The following C1orf21 variants were observed in gnomAD, a reference collection of about 807,000 sequenced individuals.
C1orf21 encodes chromosome 1 open reading frame 21, also known as uncharacterized protein C1orf21.
Under a neutral mutation model 18.7 loss-of-function variants are expected in C1orf21, and 3 were observed. The observed-to-expected ratio is 0.16, with a 90% confidence interval of 0.07 to 0.42. C1orf21 has a LOEUF of 0.42. C1orf21 is among the 10% of genes least tolerant of loss of function. The probability of loss-of-function intolerance (pLI) is 0.99; values close to 1 mark genes in which losing one functional copy is unlikely to be tolerated. For synonymous variants in C1orf21, 41 were observed against 46.4 expected (o/e 0.88, Z 0.47); for missense variants, 104 against 143.6 (o/e 0.72, Z 1.41).
At chr1:184,617,226 T>C (rs958148592) in intron 5 of C1orf21, among the ~76,000 whole-genome samples, 1 of 152,128 alleles carries the variant, frequency 6.6e-6, no homozygotes, top group Non-Finnish European at 1.5e-5. Context: ...AGCCCAGCAA[T>C]TTGTGCGCTG....
intron 3 of C1orf21, among the ~76,000 whole-genome samples, chr1:184,511,821 A>G (rs756110191): frequency 1.1e-4 from 16 of 152,154 alleles, no homozygotes; most frequent in Non-Finnish European, 2.4e-4. Context: ...AGAGAAGTGC[A>G]TAGTGAAGGG....
At chr1:184,423,381 G>A (rs919674657) in intron 1 of C1orf21, among the ~76,000 whole-genome samples, 5 of 152,104 alleles carry the variant, frequency 3.3e-5, no homozygotes, top group African/African-American at 9.7e-5. Flanking sequence ...TATCCAAGAT[G>A]GGTTTTGAAA....
intron 2 of C1orf21, among the ~76,000 whole-genome samples, chr1:184,483,399 A>G (rs1344045629): frequency 6.6e-6 from 1 of 152,244 alleles, no homozygotes; most frequent in South Asian, 2.1e-4. Context: ...AGGCCTTATT[A>G]GGGAAATTAA....
chr1:184,609,141 C>G (rs1231720207), intron 5 of C1orf21, among the ~76,000 whole-genome samples: 1 of 152,180 alleles, frequency 6.6e-6, no homozygotes, highest in Non-Finnish European at 1.5e-5. Context: ...CTCTCCCTCT[C>G]CAGAGGCCCA....
At chr1:184,474,167 G>C (rs1657535905) in intron 1 of C1orf21, among the ~76,000 whole-genome samples, 1 of 152,116 alleles carries the variant, frequency 6.6e-6, no homozygotes, top group Admixed American at 6.6e-5. Flanking sequence ...AAACTTGAAA[G>C]CATCACTCTT....
intron 3 of C1orf21, among the ~76,000 whole-genome samples, chr1:184,584,970 A>G (rs1659331791): frequency 1.3e-5 from 2 of 152,222 alleles, no homozygotes; most frequent in South Asian, 2.1e-4. Context: ...TGATGGCACT[A>G]TGTTGAAACT....
At chr1:184,551,155 C>T (rs979437568) in intron 3 of C1orf21, among the ~76,000 whole-genome samples, 3 of 152,228 alleles carry the variant, frequency 2.0e-5, no homozygotes, top group Non-Finnish European at 2.9e-5. Flanking sequence ...ACAGCAATCC[C>T]ATGGAGAAGA....
intron 3 of C1orf21, among the ~76,000 whole-genome samples, chr1:184,561,795 T>C (rs1019778297): frequency 3.3e-5 from 5 of 152,102 alleles, no homozygotes; most frequent in Admixed American, 2.6e-4. Context: ...TTTTTGTATT[T>C]TTAGTAGAGA....
chr1:184,577,199 G>A (rs1659204990), intron 3 of C1orf21, among the ~76,000 whole-genome samples: 2 of 150,752 alleles, frequency 1.3e-5, no homozygotes, highest in African/African-American at 4.9e-5. Context: ...TAATCACAAG[G>A]ATTCGTACAA....
At chr1:184,612,935 T>C (rs1408772509) in intron 5 of C1orf21, among the ~76,000 whole-genome samples, 1 of 152,204 alleles carries the variant, frequency 6.6e-6, no homozygotes, top group Non-Finnish European at 1.5e-5. Flanking sequence ...CTGTGCCTAA[T>C]TCTTTTTCCT....
intron 3 of C1orf21, among the ~76,000 whole-genome samples, chr1:184,511,894 C>T (rs978533122): frequency 5.3e-5 from 8 of 152,152 alleles, no homozygotes; most frequent in Non-Finnish European, 1.2e-4. Flanking sequence ...ATGAGAACAG[C>T]ATGGGGGAAC....
At chr1:184,464,227 G>C (rs890866402) in intron 1 of C1orf21, among the ~76,000 whole-genome samples, 2 of 152,210 alleles carry the variant, frequency 1.3e-5, no homozygotes, top group Non-Finnish European at 2.9e-5. Flanking sequence ...ATATACCACA[G>C]GGGACAAGAA....
intron 3 of C1orf21, among the ~76,000 whole-genome samples, chr1:184,549,714 G>T (rs1658786347): frequency 6.6e-6 from 1 of 151,908 alleles, no homozygotes; most frequent in African/African-American, 2.4e-5. Context: ...AACATTCCAG[G>T]TGTTTTTTCT....
At chr1:184,573,927 G>C (rs1659149107) in intron 3 of C1orf21, among the ~76,000 whole-genome samples, 2 of 152,156 alleles carry the variant, frequency 1.3e-5, no homozygotes. Context: ...GAGCACCATG[G>C]CTCATGCCTG....
rs548192320 is a variant in C1orf21 at position 184,419,280 on chromosome 1, G to A, written c.-125+31912G>A. ...GATAAAATGAGAAGACATGTAAAAC[G>A]ATATCCTGTGCATAGTAAATTTTCA... is the stretch of plus-strand genomic sequence containing the variant. On this transcript the variant is annotated intron_variant, in intron 1 of 5. Transcript: ENST00000235307. Among the ~76,000 whole-genome samples the A allele has an allele frequency of 3.3e-5, 5 of 152,258 alleles. No homozygotes were observed. The South Asian group carries it at 1.0e-3, about 32-fold the overall frequency.
intron 3 of C1orf21, among the ~76,000 whole-genome samples, chr1:184,558,184 A>T (rs1346119814): frequency 6.6e-6 from 1 of 152,200 alleles, no homozygotes; most frequent in East Asian, 1.9e-4. Flanking sequence ...GTACAGTAGA[A>T]GTCACCTTAG....
chr1:184,499,604 A>G lies in C1orf21; in HGVS notation c.95-7984A>G, dbSNP rs539763082. On this transcript the variant is annotated intron_variant, in intron 2 of 5. Coordinates refer to ENST00000235307, the MANE Select transcript of C1orf21 (RefSeq NM_030806.4). ...GATTATGATTTGGAAATGTGTCCAC[A>G]TTCTTTCTGATATACTTTATTCCTA... 3.3e-5 allele frequency among the ~76,000 whole-genome samples: 5 copies of G among 152,148 alleles called. No individual in the cohort carries two copies. In the East Asian group the frequency reaches 9.6e-4, roughly 29 times the overall value.
chr1:184,572,886 G>A (rs1039210752), intron 3 of C1orf21, among the ~76,000 whole-genome samples: 10 of 151,468 alleles, frequency 6.6e-5, no homozygotes, highest in African/African-American at 2.2e-4. Flanking sequence ...AGGAGGCGGA[G>A]GTTGCAGTGA....
intron 3 of C1orf21, among the ~76,000 whole-genome samples, chr1:184,536,417 AAGGGGAAGACACACCCCCTC>A (rs1189126109): frequency 3.9e-5 from 6 of 152,082 alleles, no homozygotes; most frequent in African/African-American, 4.8e-5. Context: ...GGAAAGGACC[AAGGGGAAGACACACCCCCTC>A]CTTTAGAGGC....
Sources: allele counts gnomAD v4.1 joint callset (sites outside exome capture counted in the v4.1 genomes callset), GRCh38; gene constraint gnomAD v4.1.1; transcripts MANE v1.5; gene names NCBI Gene and HGNC (gene_info 2026-07-23, HGNC 2026-07-21).